The following LIPA variants were observed in gnomAD, a reference collection of about 807,000 sequenced individuals.
LIPA encodes the protein lysosomal acid lipase/cholesteryl ester hydrolase.
LIPA carries 26 observed loss-of-function variants against 40.6 expected under a neutral mutation model. That is an observed-to-expected ratio of 0.64 (90% confidence interval 0.47 to 0.89). The LOEUF is 0.89. Ranked by LOEUF, LIPA falls within the 40% of genes least tolerant of loss-of-function variation. The pLI, the probability that LIPA is intolerant of heterozygous loss-of-function variation, is 0.00. For synonymous variants in LIPA, 188 were observed against 168.4 expected, an observed-to-expected ratio of 1.12 and a Z score of -0.90; for missense variants, 455 against 479.6, an observed-to-expected ratio of 0.95 and a Z score of 0.48.
At chr10:89,251,396 G>T (rs1843118103) in intron 1 of LIPA, among the ~76,000 whole-genome samples, 1 of 152,236 alleles carries the variant, frequency 6.6e-6, no homozygotes, top group African/African-American at 2.4e-5. Context: ...AGGATGCAGA[G>T]AGAGGAATCA....
At chr10:89,227,137 A>C (rs2254640) in intron 4 of LIPA, 133 bp from the exon 5 acceptor site, 45 of 705,888 alleles carry the variant, frequency 6.4e-5, no homozygotes, top group African/African-American at 4.4e-4. Context: ...CCAGGAAACA[A>C]CACCAGCAGG....
rs140949785 is a variant in LIPA at position 89,229,439 on chromosome 10, G to C, written c.230-1041C>G. On this transcript the variant is annotated intron_variant, in intron 3 of 9. Coordinates refer to ENST00000336233, the MANE Select transcript of LIPA (RefSeq NM_000235.4). ...CATCATACATTTGTCCAAAACTATAGAATATACAACATCAAGAGTGAACTG... is the reference window on the plus strand; with the variant it reads ...CATCATACATTTGTCCAAAACTATACAATATACAACATCAAGAGTGAACTG... Among the ~76,000 whole-genome samples, 28 of 152,308 alleles carry C rather than the reference G, an allele frequency of 1.8e-4. 1 individual carries two copies. In the East Asian group the frequency reaches 5.0e-3, roughly 27 times the overall value.
chr10:89,338,144 A>C (rs7902380), intron 1 of LIPA: 8,529 of 154,124 alleles, frequency 0.055, 659 homozygotes, highest in African/African-American at 0.18. Flanking sequence ...CCCCATCATA[A>C]GTCAAGGAAC....
intron 1 of LIPA, chr10:89,302,234 G>T: frequency 8.3e-7 from 1 of 1,200,548 alleles, no homozygotes. Context: ...TTTAGTGTTT[G>T]TTTATAGCCT....
chr10:89,297,037 T>C (rs561176897), intron 1 of LIPA, among the ~76,000 whole-genome samples: 3 of 152,210 alleles, frequency 2.0e-5, no homozygotes, highest in South Asian at 4.2e-4. Context: ...GAATAGATAA[T>C]TATACCTCGA....
intron 2 of LIPA, among the ~76,000 whole-genome samples, chr10:89,398,427 T>G (rs1844376051): frequency 6.6e-6 from 1 of 152,222 alleles, no homozygotes; most frequent in African/African-American, 2.4e-5. Flanking sequence ...CTCCAGCTTC[T>G]CGGGGATGTT....
At chr10:89,317,526 A>T (rs1843547759) in intron 1 of LIPA, among the ~76,000 whole-genome samples, 1 of 152,182 alleles carries the variant, frequency 6.6e-6, no homozygotes, top group Non-Finnish European at 1.5e-5. Flanking sequence ...AAAAAAGAGT[A>T]AAAAGAAATG....
intron 1 of LIPA, among the ~76,000 whole-genome samples, chr10:89,322,444 C>G (rs574004278): frequency 1.3e-5 from 2 of 150,782 alleles, no homozygotes; most frequent in Admixed American, 1.3e-4. Flanking sequence ...CAGCGTGGAT[C>G]CAGGAGAATT....
chr10:89,303,691 A>G (rs1260240969), intron 1 of LIPA, among the ~76,000 whole-genome samples: 2 of 152,234 alleles, frequency 1.3e-5, no homozygotes, highest in African/African-American at 4.8e-5. Context: ...TATGTTTTAT[A>G]TGGTGGAGAT....
chr10:89,406,303 T>A (rs1017628545), intron 2 of LIPA: 1 of 151,454 alleles, frequency 6.6e-6, no homozygotes, highest in South Asian at 2.1e-4. Context: ...AATGGACCAG[T>A]CAACACTCTG....
chr10:89,340,844 G>A (rs1360888910), intron 1 of LIPA: 1 of 152,084 alleles, frequency 6.6e-6, no homozygotes, highest in Non-Finnish European at 1.5e-5. Flanking sequence ...ACTAACCCTG[G>A]AATATCTCTT....
At chr10:89,283,345 G>A (rs551565887) in intron 1 of LIPA, among the ~76,000 whole-genome samples, 2 of 152,314 alleles carry the variant, frequency 1.3e-5, no homozygotes, top group East Asian at 3.9e-4. Context: ...TCTCTCTGAG[G>A]CCACTCTGGC....
intron 2 of LIPA, among the ~76,000 whole-genome samples, chr10:89,370,183 C>T (rs1022221873): frequency 3.3e-5 from 5 of 152,020 alleles, no homozygotes; most frequent in African/African-American, 1.2e-4. Flanking sequence ...TAATATATAG[C>T]TAGCGGTGGC....
chr10:89,318,540 C>T (rs1843554402), intron 1 of LIPA, among the ~76,000 whole-genome samples: 1 of 152,336 alleles, frequency 6.6e-6, no homozygotes, highest in Admixed American at 6.5e-5. Flanking sequence ...GCACCCAACA[C>T]AGGAGCACCC....
intron 1 of LIPA, among the ~76,000 whole-genome samples, chr10:89,268,166 T>G (rs1331489994): frequency 2.6e-5 from 4 of 152,192 alleles, no homozygotes; most frequent in Non-Finnish European, 5.9e-5. Flanking sequence ...GGTCCAGGAT[T>G]GTAGTTAGGA....
intron 1 of LIPA, among the ~76,000 whole-genome samples, chr10:89,311,534 A>AAG (rs1433937995): frequency 6.6e-6 from 1 of 151,628 alleles, no homozygotes; most frequent in Admixed American, 6.6e-5. Context: ...CAAAAAAAAA[A>AAG]AAAAAAAAAA....
chr10:89,284,032 A>G (rs191804349), intron 1 of LIPA: 1 of 152,282 alleles, frequency 6.6e-6, no homozygotes, highest in East Asian at 1.9e-4. Context: ...TTTCTTGTTA[A>G]TTCAGGCATT....
Position 89,304,856 on chromosome 10 carries a change from G to C in LIPA, c.-2+37755C>G, listed in dbSNP as rs60695962. Among the ~76,000 whole-genome samples the C allele has an allele frequency of 6.7e-3, 1,026 of 152,054 alleles. 9 individuals are homozygous for C. The highest frequency in any genetic ancestry group is 0.024 in the African/African-American group (984 of 41,470). On this transcript the variant is annotated intron_variant, in intron 1 of 5. Transcript: ENST00000282673. ...TAAAGGGAATGGAAAATCTTTCCAG[G>C]AGAGTCATAAGGGTACCCTAAAGAA...
At chr10:89,232,585 G>T (rs1369507180) in intron 3 of LIPA, among the ~76,000 whole-genome samples, 8 of 152,328 alleles carry the variant, frequency 5.3e-5, no homozygotes, top group Admixed American at 4.6e-4. Flanking sequence ...GGCAGGAATG[G>T]TTTGAAACCA....
Sources: allele counts gnomAD v4.1 joint callset (sites outside exome capture counted in the v4.1 genomes callset), GRCh38; gene constraint gnomAD v4.1.1; transcripts MANE v1.5; gene names NCBI Gene and HGNC (gene_info 2026-07-23, HGNC 2026-07-21).